DCLRE1C: variants seen among roughly 807,000 people sequenced by gnomAD.
The protein encoded by DCLRE1C is DNA cross-link repair 1C, also known as protein artemis.
Under a neutral mutation model 61.4 loss-of-function variants are expected in DCLRE1C, and 47 were observed. That is an observed-to-expected ratio of 0.77 (90% CI 0.61 to 0.98). The LOEUF (loss-of-function observed/expected upper bound fraction) is 0.98, where lower values mean the gene tolerates loss of function less well. DCLRE1C is among the 50% of genes least tolerant of loss of function. The pLI is 0.00. For missense variants in DCLRE1C, 858 were observed against 816.0 expected (o/e 1.05, Z -0.63); for synonymous variants, 337 against 287.6 (o/e 1.17, Z -1.74).
At chr10:14,914,703 G>C (rs890932688) in intron 13 of DCLRE1C, among the ~76,000 whole-genome samples, 8 of 152,124 alleles carry the variant, frequency 5.3e-5, no homozygotes, top group African/African-American at 1.4e-4. Flanking sequence ...CCAACATTTT[G>C]GGAGGCAGGT....
intron 13 of DCLRE1C, 72 bp from the exon 14 acceptor site, chr10:14,909,402 T>A (rs1305662055): frequency 7.1e-7 from 1 of 1,407,782 alleles, no homozygotes; most frequent in African/African-American, 1.4e-5. Flanking sequence ...TATCTGTACT[T>A]TTAATTCTTG....
chr10:14,902,642 A>G (rs762347243), downstream of DCLRE1C: 151 of 622,498 alleles, frequency 2.4e-4, no homozygotes, highest in Non-Finnish European at 3.8e-4. Context: ...GTTTCAAGAC[A>G]TTTGCCAAAT....
At chr10:14,901,905 C>T (rs1382299799), downstream of DCLRE1C, among the ~76,000 whole-genome samples, 1 of 152,034 alleles carries the variant, frequency 6.6e-6, no homozygotes, top group Non-Finnish European at 1.5e-5. Context: ...ATATTTAAAT[C>T]ACATACAAAT....
chr10:14,912,063 C>T (rs141674225), intron 13 of DCLRE1C, among the ~76,000 whole-genome samples: 73 of 152,272 alleles, frequency 4.8e-4, no homozygotes, highest in Middle Eastern at 3.4e-3. Flanking sequence ...ATGAACTGAA[C>T]GCTTCCTGTC....
At chr10:14,933,000 C>T in intron 8 of DCLRE1C, 45 bp from the exon 9 acceptor site, 1 of 1,593,172 alleles carries the variant, frequency 6.3e-7, no homozygotes. Flanking sequence ...AAATGTATTT[C>T]CTATAAATTG....
intron 9 of DCLRE1C, among the ~76,000 whole-genome samples, chr10:14,932,317 C>A (rs371264045): frequency 6.6e-6 from 1 of 152,024 alleles, no homozygotes; most frequent in African/African-American, 2.4e-5. Flanking sequence ...AATTATCAAA[C>A]GTGTATGAAT....
At chr10:14,899,393 C>A in intron 13 of DCLRE1C, 1 of 838,826 alleles carries the variant, frequency 1.2e-6, no homozygotes, top group Non-Finnish European at 1.9e-6. Flanking sequence ...GCATCTGAGT[C>A]TTAGTTTGTG....
In DCLRE1C at chr10:14,904,987, T is replaced by C. The variant is rs969891722; in HGVS notation, c.*3421A>G. Among the ~76,000 whole-genome samples the C allele has an allele frequency of 6.6e-6, 1 of 152,240 alleles. No homozygotes were observed. The highest frequency in any genetic ancestry group is 2.4e-5 in the African/African-American group (1 of 41,458). On this transcript the variant is annotated 3_prime_UTR_variant, in exon 14 of 14. Transcript: ENST00000378278. ...AATGTAGACAATAGTTGTTTCTCTT[T>C]TAGTTCATCAGTTTCTCTTAGCAAA...
Position 14,939,852 on chromosome 10 carries a change from C to G in DCLRE1C, c.264G>C (p.Glu88Asp). The G allele has an allele frequency of 6.3e-7, 1 of 1,596,562 alleles. No individual in the cohort carries two copies. The highest frequency in any genetic ancestry group is 8.6e-7 in the Non-Finnish European group (1 of 1,165,636). The change falls in exon 4 of 14, where the codon GAG becomes GAC. Residue 88 changes from glutamate to aspartate, a missense_variant. By Grantham distance (45) the Glu-to-Asp change is conservative (BLOSUM62 2). Coordinates refer to ENST00000378278, the MANE Select transcript of DCLRE1C (RefSeq NM_001033855.3). ...WKKRIISIEI[E>D]TPTQISLVDE... ...CCACTAAAGATATCTGGGTAGGAGT[C>G]TCGATTTCAATAGATATCTATAAAA...
intron 3 of DCLRE1C, chr10:14,942,185 T>C (rs1439992897): frequency 6.6e-6 from 1 of 152,262 alleles, no homozygotes; most frequent in Non-Finnish European, 1.5e-5. Flanking sequence ...CGTGTGCAGC[T>C]CCTCCGAGTC....
chr10:14,915,740 C>T (rs180994935), intron 13 of DCLRE1C, among the ~76,000 whole-genome samples: 81 of 152,014 alleles, frequency 5.3e-4, no homozygotes, highest in African/African-American at 1.7e-3. Context: ...TGCCAATCCT[C>T]GAAAAATTTT....
intron 11 of DCLRE1C, among the ~76,000 whole-genome samples, chr10:14,924,833 C>T (rs771509514): frequency 1.3e-5 from 2 of 150,934 alleles, no homozygotes; most frequent in African/African-American, 4.9e-5. Context: ...GGCAATAAAG[C>T]GAGACTCCAT....
chr10:14,933,326 A>T (rs770739371), intron 8 of DCLRE1C, among the ~76,000 whole-genome samples: 36 of 152,210 alleles, frequency 2.4e-4, no homozygotes, highest in Admixed American at 1.3e-4. Flanking sequence ...ATCCACACAG[A>T]CAAAAACAAT....
exon 14 of DCLRE1C, chr10:14,898,969 CT>C (rs1833797171): frequency 2.1e-6 from 1 of 468,048 alleles, no homozygotes; most frequent in Admixed American, 3.6e-5. Context: ...AGTTGTATAG[CT>C]TTTTGAACAT....
chr10:14,924,137 C>G (rs2130799441), intron 11 of DCLRE1C, among the ~76,000 whole-genome samples: 1 of 152,340 alleles, frequency 6.6e-6, no homozygotes, highest in Admixed American at 6.5e-5. Flanking sequence ...ACACAAGGTA[C>G]TGAGCTGCCG....
chr10:14,920,322 A>G (rs1209843817), intron 12 of DCLRE1C: 1 of 946,792 alleles, frequency 1.1e-6, no homozygotes, highest in Non-Finnish European at 1.3e-6. Context: ...CTGAAAGCTA[A>G]GACAAAGTGG....
At chr10:14,925,196 T>C (rs1156929743) in intron 11 of DCLRE1C, among the ~76,000 whole-genome samples, 3 of 132,600 alleles carry the variant, frequency 2.3e-5, no homozygotes, top group Non-Finnish European at 4.7e-5. Context: ...CTGGTAGAAA[T>C]CTGAGACTTT....
chr10:14,914,505 AACTT>A (rs1835838904), intron 13 of DCLRE1C, among the ~76,000 whole-genome samples: 1 of 152,228 alleles, frequency 6.6e-6, no homozygotes. Flanking sequence ...ATTGTCAACT[AACTT>A]AGCCTAGTTG....
At position 14,908,479 on chromosome 10, in the gene DCLRE1C, A is replaced by T; in HGVS notation, c.2008T>A (p.Leu670Ile). 6.2e-7 allele frequency: 1 copy of T among 1,613,868 alleles called. No homozygotes were observed. Among genetic ancestry groups the T allele is most frequent in the Non-Finnish European group, 8.5e-7 (1 of 1,179,972 alleles). Residue 670 changes from leucine to isoleucine, a missense_variant, in exon 14 of 14, where the codon TTA (leucine) becomes ATA (isoleucine). Transcript: ENST00000378278. The part of the protein sequence containing the change: ...ELPKREHLQY[L>I]YEKLATGESI... The stretch of plus-strand genomic sequence containing the variant: ...TCACCAGTTGCCAGCTTCTCATATA[A>T]ATATTGTAAATGCTCTCGTTTAGGT...
Sources: allele counts gnomAD v4.1 joint callset (sites outside exome capture counted in the v4.1 genomes callset), GRCh38; gene constraint gnomAD v4.1.1; transcripts MANE v1.5; gene names NCBI Gene and HGNC (gene_info 2026-07-23, HGNC 2026-07-21).